ME3: variants seen among roughly 807,000 people sequenced by gnomAD.
ME3 encodes malic enzyme 3.
In ME3, 48 loss-of-function variants were observed where a neutral mutation model predicts 68.9. The observed-to-expected ratio is 0.70, with a 90% CI of 0.55 to 0.89. The LOEUF (loss-of-function observed/expected upper bound fraction) is 0.89. Ranked by LOEUF, ME3 falls within the 40% of genes least tolerant of loss-of-function variation. ME3 has a pLI of 0.00. For synonymous variants in ME3, 320 were observed against 318.8 expected, an observed-to-expected ratio of 1.00 and a Z score of -0.04; for missense variants, 675 against 797.4, an observed-to-expected ratio of 0.85 and a Z score of 1.85.
At chr11:86,569,456 T>C (rs1385953329) in intron 2 of ME3, among the ~76,000 whole-genome samples, 1 of 152,046 alleles carries the variant, frequency 6.6e-6, no homozygotes, top group African/African-American at 2.4e-5. Flanking sequence ...CCTCCACCAT[T>C]CCACACAGCT....
intron 4 of ME3, among the ~76,000 whole-genome samples, chr11:86,552,763 C>G (rs1565942610): frequency 6.6e-6 from 1 of 152,174 alleles, no homozygotes; most frequent in South Asian, 2.1e-4. Context: ...CCATCTTTAA[C>G]AAGTGTCATA....
chr11:86,645,094 C>T (rs992100135), intron 2 of ME3, among the ~76,000 whole-genome samples: 2 of 152,204 alleles, frequency 1.3e-5, no homozygotes, highest in African/African-American at 2.4e-5. Context: ...CGGGTGCCTA[C>T]ACCACCAGGG....
chr11:86,515,781 T>C (rs1953856523), intron 4 of ME3, among the ~76,000 whole-genome samples: 2 of 152,084 alleles, frequency 1.3e-5, no homozygotes, highest in Admixed American at 1.3e-4. Flanking sequence ...GTTTCAATCT[T>C]CTCTCCTTGA....
chr11:86,582,520 C>T (rs1408865514), intron 2 of ME3, among the ~76,000 whole-genome samples: 13 of 152,104 alleles, frequency 8.5e-5, no homozygotes, highest in Non-Finnish European at 1.5e-4. Flanking sequence ...GAGGTGACAA[C>T]CTTGTCCTTG....
chr11:86,669,368 G>T (rs958013479), intron 2 of ME3, among the ~76,000 whole-genome samples: 2 of 152,194 alleles, frequency 1.3e-5, no homozygotes, highest in African/African-American at 4.8e-5. Context: ...TATTAGTCTG[G>T]TTCTTACACG....
At chr11:86,508,901 C>A in intron 4 of ME3, 34 bp from the exon 5 acceptor site, 2 of 1,554,550 alleles carry the variant, frequency 1.3e-6, no homozygotes, top group Non-Finnish European at 1.8e-6. Flanking sequence ...CACAGAGAAA[C>A]CAGGCAGTCA....
intron 2 of ME3, among the ~76,000 whole-genome samples, chr11:86,601,833 A>T (rs894034628): frequency 1.1e-4 from 16 of 151,778 alleles, no homozygotes; most frequent in Non-Finnish European, 1.5e-4. Flanking sequence ...CAGCATATAA[A>T]CAGAACCAAA....
rs147139397 is a variant in ME3, at chr11:86,657,125, C to A, written c.183+14637G>T. Among the ~76,000 whole-genome samples the A allele has an allele frequency of 6.2e-3, 950 of 152,254 alleles. 13 individuals carry two copies. Among genetic ancestry groups the A allele is most frequent in the African/African-American group, 0.022 (903 of 41,522 alleles). ...CAGCAATCCCATTACTGGGTATATA[C>A]TCAAAGGATTATAAATCATTCTGCT... On this transcript the variant is annotated intron_variant, in intron 2 of 14. Coordinates refer to ENST00000543262, the Ensembl canonical transcript of ME3.
intron 7 of ME3, among the ~76,000 whole-genome samples, chr11:86,471,141 CTTTTTTTTTTTTTT>C (rs1163128094): frequency 1.3e-5 from 1 of 75,044 alleles, no homozygotes; most frequent in Non-Finnish European, 2.4e-5. Flanking sequence ...AGGCCCAGAG[CTTTTTTTTTTTTTT>C]TTTTTTTTTT....
intron 7 of ME3, among the ~76,000 whole-genome samples, chr11:86,487,119 C>T (rs1951738819): frequency 6.6e-6 from 1 of 152,220 alleles, no homozygotes; most frequent in Non-Finnish European, 1.5e-5. Context: ...TCAACCCTCT[C>T]ATTCCCTCCC....
chr11:86,615,701 C>T (rs1012498810), intron 2 of ME3, among the ~76,000 whole-genome samples: 2 of 152,128 alleles, frequency 1.3e-5, no homozygotes, highest in African/African-American at 4.8e-5. Context: ...GAAGCACCTC[C>T]TTCCTCTTCT....
chr11:86,560,748 G>GTGTATGTGTGTATATA lies in ME3; in HGVS notation c.184-926_184-925insTATATACACACATACA, dbSNP rs1243025217. 4.8e-5 allele frequency among the ~76,000 whole-genome samples: 3 copies of GTGTATGTGTGTATATA among 62,530 alleles called. 1 individual carries two copies. Among genetic ancestry groups the GTGTATGTGTGTATATA allele is most frequent in the Non-Finnish European group, 3.1e-5 (1 of 32,068 alleles). 41.0% of individuals were successfully genotyped at this position (62,530 alleles called of 152,430 possible). A position where few individuals can be genotyped will look rare whatever the true frequency, so the allele number is the denominator to read the frequency against. On this transcript the variant is annotated intron_variant, in intron 2 of 14. Transcript: ENST00000543262. ...TGTATGTGTGTGTGTGTGTGTGTGT[G>GTGTATGTGTGTATATA]TATATATATATATATATATATATAT...
At chr11:86,572,898 A>C (rs1957883258) in intron 2 of ME3, among the ~76,000 whole-genome samples, 1 of 152,220 alleles carries the variant, frequency 6.6e-6, no homozygotes. Flanking sequence ...TCCCACCAAC[A>C]GTGTAAAAGT....
chr11:86,556,430 T>G, intron 4 of ME3, 123 bp downstream of exon 4: 2 of 1,196,910 alleles, frequency 1.7e-6, no homozygotes, highest in East Asian at 5.2e-5. Flanking sequence ...AAATGTCTTT[T>G]TGTTGGACCA....
chr11:86,629,748 C>T (rs566915931), intron 2 of ME3, among the ~76,000 whole-genome samples: 1 of 152,176 alleles, frequency 6.6e-6, no homozygotes, highest in Non-Finnish European at 1.5e-5. Flanking sequence ...AGCAAAGCAG[C>T]CATTCTTATC....
chr11:86,518,464 G>A (rs980178127), intron 4 of ME3, among the ~76,000 whole-genome samples: 3 of 152,044 alleles, frequency 2.0e-5, no homozygotes, highest in Middle Eastern at 3.4e-3. Context: ...AATTTACTAC[G>A]CCCAGCCAGA....
At chr11:86,604,918 A>G (rs1961392643) in intron 2 of ME3, among the ~76,000 whole-genome samples, 1 of 152,246 alleles carries the variant, frequency 6.6e-6, no homozygotes, top group Non-Finnish European at 1.5e-5. Flanking sequence ...TGCATTCACA[A>G]TGGTTTCAAT....
intron 6 of ME3, among the ~76,000 whole-genome samples, chr11:86,492,318 G>A (rs2138971607): frequency 6.6e-6 from 1 of 152,352 alleles, no homozygotes; most frequent in South Asian, 2.1e-4. Context: ...CTGGGACTGG[G>A]CTAAGGAGAT....
intron 2 of ME3, among the ~76,000 whole-genome samples, chr11:86,608,788 GTAACTGGTATATCAGATAAT>G (rs1475770019): frequency 6.6e-6 from 1 of 152,188 alleles, no homozygotes; most frequent in Non-Finnish European, 1.5e-5. Context: ...AGAAGAGGTA[GTAACTGGTATATCAGATAAT>G]TAACTGGTAT....
Sources: gnomAD v4.1 joint callset for allele counts (sites outside exome capture counted in the v4.1 genomes callset) on GRCh38, gnomAD v4.1.1 for gene constraint, MANE v1.5 for transcripts, NCBI Gene and HGNC (gene_info 2026-07-23, HGNC 2026-07-21) for gene names.